GLT1D1: variants seen among roughly 807,000 people sequenced by gnomAD.
The protein encoded by GLT1D1 is glycosyltransferase 1 domain containing 1, also known as glycosyltransferase 1 domain-containing protein 1.
GLT1D1 carries 21 observed loss-of-function variants against 28.7 expected under a neutral mutation model. The observed-to-expected ratio is 0.73, with a 90% confidence interval of 0.52 to 1.05. The LOEUF (loss-of-function observed/expected upper bound fraction) is 1.05, where lower values mean the gene tolerates loss of function less well. GLT1D1 is among the 50% of genes least tolerant of loss of function. The pLI is 0.00. For synonymous variants in GLT1D1, 147 were observed against 124.8 expected (o/e 1.18, Z -1.19); for missense variants, 343 against 330.6 (o/e 1.04, Z -0.29).
At chr12:128,943,122 T>C (rs1159228291) in intron 4 of GLT1D1, among the ~76,000 whole-genome samples, 3 of 152,216 alleles carry the variant, frequency 2.0e-5, no homozygotes, top group Non-Finnish European at 4.4e-5. Context: ...TGGCAGTGAA[T>C]GCTAACAGGT....
chr12:128,898,796 G>A (rs1417658375), intron 3 of GLT1D1, among the ~76,000 whole-genome samples: 2 of 152,210 alleles, frequency 1.3e-5, no homozygotes, highest in African/African-American at 2.4e-5. Flanking sequence ...ATTGAAAGGA[G>A]GGAGATGATA....
intron 2 of GLT1D1, among the ~76,000 whole-genome samples, chr12:128,887,897 C>CCTTTCGGGGAGTCG (rs1566104846): frequency 6.6e-6 from 1 of 152,024 alleles, no homozygotes; most frequent in Non-Finnish European, 1.5e-5. Flanking sequence ...CTTTGGGAGT[C>CCTTTCGGGGAGTCG]CTTTCGGGGA....
At chr12:128,977,983 C>A (rs1879945463) in intron 7 of GLT1D1, among the ~76,000 whole-genome samples, 1 of 151,758 alleles carries the variant, frequency 6.6e-6, no homozygotes, top group Admixed American at 6.6e-5. Context: ...CAGGGTTTAA[C>A]CATGTTGGCC....
At chr12:128,920,183 T>A (rs1221788488) in intron 4 of GLT1D1, among the ~76,000 whole-genome samples, 2 of 152,220 alleles carry the variant, frequency 1.3e-5, no homozygotes, top group East Asian at 3.8e-4. Flanking sequence ...ATCAGCTTTT[T>A]CAGCTATAAT....
intron 1 of GLT1D1, among the ~76,000 whole-genome samples, chr12:128,865,861 A>G (rs1005053530): frequency 7.2e-5 from 11 of 151,986 alleles, no homozygotes; most frequent in African/African-American, 2.4e-4. Context: ...CCAAAAAACC[A>G]AAAACCCCCC....
At chr12:128,907,033 G>A in intron 4 of GLT1D1, 1 of 692,678 alleles carries the variant, frequency 1.4e-6, no homozygotes, top group African/African-American at 1.8e-5. Flanking sequence ...CCTAAAGTCT[G>A]CAGTAGAAGC....
intron 4 of GLT1D1, among the ~76,000 whole-genome samples, chr12:128,903,611 G>A: frequency 6.6e-6 from 1 of 151,768 alleles, no homozygotes; most frequent in Middle Eastern, 3.2e-3. Flanking sequence ...AAAGGGACAT[G>A]AGGTAGTCAC....
In GLT1D1 at chr12:128,957,636, A is replaced by G. The variant is rs143132819; in HGVS notation, c.632A>G (p.Asn211Ser). 6.2e-6 allele frequency: 10 copies of G among 1,607,866 alleles called. No individual in the cohort carries two copies. The highest frequency in any genetic ancestry group is 1.6e-4 in the Middle Eastern group (1 of 6,080). ...GAAGTCACAGGGCTACTGTTTTCCA[A>G]TCCTCAGGTAAAGAAAAGTTCTTTC... Residue 211 changes from asparagine to serine, a missense_variant, in exon 7 of 8, where the codon AAT becomes AGT. By Grantham distance (46) the Asn-to-Ser change is conservative. Transcript: ENST00000281703.
At chr12:128,954,610 C>A (rs12818539) in intron 6 of GLT1D1, among the ~76,000 whole-genome samples, 18,636 of 152,102 alleles carry the variant, frequency 0.12, 1,342 homozygotes, top group South Asian at 0.18. Context: ...ATCTCATTTG[C>A]AGTTATAACA....
At chr12:128,868,450 C>T (rs1258666438) in intron 1 of GLT1D1, among the ~76,000 whole-genome samples, 4 of 152,164 alleles carry the variant, frequency 2.6e-5, no homozygotes, top group Non-Finnish European at 5.9e-5. Flanking sequence ...CTAGAGGCAA[C>T]ACCCCGCCCA....
chr12:128,877,708 A>T (rs1213143187), intron 2 of GLT1D1, among the ~76,000 whole-genome samples: 6 of 152,218 alleles, frequency 3.9e-5, no homozygotes, highest in African/African-American at 1.4e-4. Flanking sequence ...CTAGAAATAT[A>T]TGTACTGTAT....
At chr12:128,962,991 C>G (rs900895763) in intron 7 of GLT1D1, among the ~76,000 whole-genome samples, 1 of 152,146 alleles carries the variant, frequency 6.6e-6, no homozygotes, top group Non-Finnish European at 1.5e-5. Flanking sequence ...TGAGCCACCG[C>G]GCCCAGCCAA....
At chr12:128,946,348 T>A (rs951275984) in intron 5 of GLT1D1, among the ~76,000 whole-genome samples, 4 of 152,040 alleles carry the variant, frequency 2.6e-5, no homozygotes, top group Non-Finnish European at 4.4e-5. Context: ...CCATTCTTTT[T>A]TGTTGTTGTT....
At chr12:128,892,630 G>T (rs973548933) in intron 3 of GLT1D1, among the ~76,000 whole-genome samples, 1 of 152,116 alleles carries the variant, frequency 6.6e-6, no homozygotes, top group Non-Finnish European at 1.5e-5. Context: ...CAGATTCTTT[G>T]TCCAGTACAA....
chr12:128,900,796 C>T (rs181869009), intron 4 of GLT1D1, among the ~76,000 whole-genome samples: 10 of 152,168 alleles, frequency 6.6e-5, no homozygotes, highest in African/African-American at 1.4e-4. Flanking sequence ...CCACCACACC[C>T]GGCTAATTTT....
In GLT1D1 at chr12:128,947,372, CAA is replaced by C; in HGVS notation, c.455_456del (p.Gln152ArgfsTer16). ...GGTACGATTGATTGGAGAGATGCCT[CAA>C]GAAGATCTGCACGCGGTGGTGAAGA... On this transcript the variant is annotated frameshift_variant, in exon 6 of 8. Coordinates refer to ENST00000281703, the MANE Select transcript of GLT1D1 (RefSeq NM_144669.3). LOFTEE classifies it high-confidence loss of function. The C allele has an allele frequency of 6.2e-7, 1 of 1,614,036 alleles. No homozygotes were observed. Among genetic ancestry groups the C allele is most frequent in the Non-Finnish European group, 8.5e-7 (1 of 1,179,968 alleles).
chr12:128,901,451 T>C (rs1236428361), intron 4 of GLT1D1, among the ~76,000 whole-genome samples: 1 of 150,406 alleles, frequency 6.6e-6, no homozygotes, highest in African/African-American at 2.5e-5. Context: ...TTTTTTTTTT[T>C]TCTGAGATGG....
intron 7 of GLT1D1, among the ~76,000 whole-genome samples, chr12:128,964,020 C>T (rs1593197555): frequency 6.6e-6 from 1 of 152,198 alleles, no homozygotes; most frequent in African/African-American, 2.4e-5. Flanking sequence ...AAGATGGGCA[C>T]CTCATAGACA....
In GLT1D1 at chr12:128,876,850, T is replaced by C. The variant is rs75837548; in HGVS notation, c.217+788T>C. 2.1e-3 allele frequency among the ~76,000 whole-genome samples: 316 copies of C among 152,234 alleles called. 1 individual carries two copies. The highest frequency in any genetic ancestry group is 7.3e-3 in the African/African-American group (305 of 41,550). The stretch of plus-strand genomic sequence containing the variant: ...AACTGATTAACATCCAACAAGGCAA[T>C]GGGCCCCAAGCTTTGGAAGTATCTC... On this transcript the variant is annotated intron_variant, in intron 2 of 7. Coordinates refer to ENST00000281703, the MANE Select transcript of GLT1D1 (RefSeq NM_144669.3).
Sources: allele counts gnomAD v4.1 joint callset (sites outside exome capture counted in the v4.1 genomes callset), GRCh38; gene constraint gnomAD v4.1.1; transcripts MANE v1.5; gene names NCBI Gene and HGNC (gene_info 2026-07-23, HGNC 2026-07-21).